Variants in SZT2 observed in about 807,000 individuals in gnomAD.
SZT2 encodes SZT2 subunit of KICSTOR complex.
A neutral mutation model predicts 404.2 loss-of-function variants in SZT2; 216 were observed. The ratio of observed to expected loss-of-function variants is 0.53; its 90% CI spans 0.48 to 0.60. SZT2 has a LOEUF of 0.60. Ranked by LOEUF, SZT2 falls within the 20% of genes least tolerant of loss-of-function variation. SZT2 has a pLI of 0.00. For synonymous variants in SZT2, 1,693 were observed against 1,749.9 expected, an observed-to-expected ratio of 0.97 and a Z score of 0.81; for missense variants, 3,857 against 4,459.2, an observed-to-expected ratio of 0.86 and a Z score of 3.85.
intron 24 of SZT2, 33 bp from the exon 25 acceptor site, chr1:43,427,248 A>G (rs1245515361): frequency 1.9e-6 from 3 of 1,604,540 alleles, no homozygotes; most frequent in South Asian, 1.1e-5. Context: ...CTGGCCCACC[A>G]GGCAGCTCTG....
rs1229196923 is a variant in SZT2 at position 43,426,207 on chromosome 1, G to A, written c.3043+56G>A. The A allele has an allele frequency of 1.9e-6, 3 of 1,580,234 alleles. No individual in the cohort carries two copies. Among genetic ancestry groups the A allele is most frequent in the Non-Finnish European group, 2.6e-6 (3 of 1,157,388 alleles). On this transcript the variant is annotated intron_variant, in intron 21 of 71. Transcript: ENST00000634258. The surrounding 1 kb of genome is among the most constrained non-coding windows in gnomAD (Gnocchi z 4.9). Reference sequence around the variant, plus strand: ...ACCTAAAGGGCCAGCAAGCCTGGAAGTATTAGAAAATAACAAACAGATGGG... The same window carrying A: ...ACCTAAAGGGCCAGCAAGCCTGGAAATATTAGAAAATAACAAACAGATGGG...
chr1:43,391,269 A>G (rs1648279582), intron 1 of SZT2, among the ~76,000 whole-genome samples: 1 of 152,198 alleles, frequency 6.6e-6, no homozygotes. Flanking sequence ...AGCTGAGATC[A>G]TGCCATTGCA....
At chr1:43,415,023 G>A (rs759176600) in intron 4 of SZT2, 59 bp from the exon 5 acceptor site, 9 of 1,568,424 alleles carry the variant, frequency 5.7e-6, no homozygotes, top group Non-Finnish European at 7.8e-6. Context: ...CAGAGCAGAA[G>A]TGTAGTGGTC....
At chr1:43,438,447 G>A (rs1425899989) in intron 46 of SZT2, among the ~76,000 whole-genome samples, 1 of 152,172 alleles carries the variant, frequency 6.6e-6, no homozygotes, top group Non-Finnish European at 1.5e-5. Flanking sequence ...AAACCTATGA[G>A]GGCGATGCTA....
At chr1:43,400,641 G>A (rs1649567537) in intron 1 of SZT2, among the ~76,000 whole-genome samples, 1 of 152,204 alleles carries the variant, frequency 6.6e-6, no homozygotes, top group South Asian at 2.1e-4. Context: ...GAAGGCCAAG[G>A]CGGGTGAATC....
chr1:43,450,650 A>T lies in SZT2; in HGVS notation c.*170A>T, dbSNP rs893038921. 1.9e-6 allele frequency: 2 copies of T among 1,048,852 alleles called. No homozygotes were observed. The highest frequency in any genetic ancestry group is 2.7e-6 in the Non-Finnish European group (2 of 727,540). The allele number at this position is 1,048,852 out of a possible 1,614,324, so 65.0% of individuals were successfully genotyped here. A position where few individuals can be genotyped will look rare whatever the true frequency, so the allele number is the denominator to read the frequency against. On this transcript the variant is annotated 3_prime_UTR_variant, in exon 72 of 72. Coordinates refer to ENST00000634258, the MANE Select transcript of SZT2 (RefSeq NM_001365999.1). This position sits in a 1 kb window ranked among gnomAD's most constrained non-coding sequence, Gnocchi z 4.3. ...TGAGGGTCTGCTGCCCCAGCCTGGC[A>T]GCAGGAACCGCCCTCCCCAAACACC... is the stretch of plus-strand genomic sequence containing the variant.
intron 1 of SZT2, among the ~76,000 whole-genome samples, chr1:43,397,821 G>T (rs1036441000): frequency 6.6e-6 from 1 of 152,094 alleles, no homozygotes; most frequent in African/African-American, 2.4e-5. Context: ...GAGCCACTAC[G>T]CCCGGCCCCT....
At chr1:43,405,680 C>T (rs960026588) in intron 4 of SZT2, 11 of 152,226 alleles carry the variant, frequency 7.2e-5, no homozygotes, top group African/African-American at 2.7e-4. Context: ...GGATTGCCAG[C>T]CCTCTGCCCT....
chr1:43,417,581 T>G, intron 7 of SZT2, among the ~76,000 whole-genome samples: 1 of 152,216 alleles, frequency 6.6e-6, no homozygotes, highest in Middle Eastern at 3.2e-3. Flanking sequence ...TGTGTGACAT[T>G]GGGCACATCA....
intron 30 of SZT2, 21 bp downstream of exon 30, chr1:43,430,124 C>A (rs757831067): frequency 2.5e-6 from 4 of 1,613,544 alleles, no homozygotes; most frequent in Admixed American, 1.7e-5. Flanking sequence ...CTCTTCCTTA[C>A]CTCTCTCGTG....
intron 28 of SZT2, 90 bp from the exon 29 acceptor site, chr1:43,429,613 G>T: frequency 6.5e-7 from 1 of 1,538,966 alleles, no homozygotes; most frequent in Non-Finnish European, 8.9e-7. Flanking sequence ...TGGACAAAAA[G>T]GCTTCCTGTG....
Position 43,428,485 on chromosome 1 carries a change from A to G in SZT2, c.4165A>G (p.Ser1389Gly). Residue 1389 changes from serine to glycine, a missense_variant and splice_region_variant, in exon 28 of 72, where the codon AGC becomes GGC. By Grantham distance (56) the Ser-to-Gly change is moderately conservative. This residue lies in a region of SZT2 where 1,725 missense variants were observed against 1,881.0 expected (regional missense o/e 0.92). Coordinates refer to ENST00000634258, the MANE Select transcript of SZT2 (RefSeq NM_001365999.1). ...RERAILASES[S>G]IETEDLSEPE... ...ACGAGCTATCCTAGCTTCTGAATCC[A>G]GGTTAGGATTATACTTGAATGATGG... The G allele has an allele frequency of 8.7e-6, 14 of 1,613,282 alleles. No individual in the cohort carries two copies. The highest frequency in any genetic ancestry group is 9.3e-6 in the Non-Finnish European group (11 of 1,179,972).
In SZT2 at chr1:43,447,580, C is replaced by T. The variant is rs1570739524; in HGVS notation, c.9322C>T (p.His3108Tyr). Residue 3108 changes from histidine (H) to tyrosine (Y), a missense_variant, in exon 67 of 72, where the codon CAC becomes TAC. Transcript: ENST00000634258. ...GCTCCCCACACCACTCATTGCTGCC[C>T]ACCAGCTATACAACTACGTGGCTGA... ...LELPTPLIAA[H>Y]QLYNYVADHA... 6.2e-7 allele frequency: 1 copy of T among 1,614,180 alleles called. No individual in the cohort carries two copies. Among genetic ancestry groups the T allele is most frequent in the Non-Finnish European group, 8.5e-7 (1 of 1,180,034 alleles).
chr1:43,437,339 G>T lies in SZT2; in HGVS notation c.6187+16G>T. On this transcript the variant is annotated intron_variant, in intron 43 of 71. Transcript: ENST00000634258. The surrounding 1 kb of genome is among the most constrained non-coding windows in gnomAD (Gnocchi z 5.3). The stretch of plus-strand genomic sequence containing the variant: ...GTCTCTCGGGGTATGTGATTGGCAT[G>T]AGAGGGCAGGTGAGCATTGGAAGGA... 6.2e-7 allele frequency: 1 copy of T among 1,614,196 alleles called. No homozygotes were observed. Among genetic ancestry groups the T allele is most frequent in the Non-Finnish European group, 8.5e-7 (1 of 1,180,030 alleles).
At position 43,437,983 on chromosome 1, in the gene SZT2, A is replaced by G. The variant is rs1354364598; in HGVS notation, c.6508+81A>G. ...GGACTTCTCTTAGAACCTTGCAAGCATTACACTAGAAGTTATGTAACAGTC... is the reference window on the plus strand; with the variant it reads ...GGACTTCTCTTAGAACCTTGCAAGCGTTACACTAGAAGTTATGTAACAGTC... On this transcript the variant is annotated intron_variant, in intron 46 of 71. Coordinates refer to ENST00000634258, the MANE Select transcript of SZT2 (RefSeq NM_001365999.1). The surrounding 1 kb of genome is among the most constrained non-coding windows in gnomAD (Gnocchi z 5.3). 1.2e-5 allele frequency: 16 copies of G among 1,379,892 alleles called. No homozygotes were observed. Among genetic ancestry groups the G allele is most frequent in the Non-Finnish European group, 1.4e-5 (14 of 974,026 alleles). The allele number at this position is 1,379,892 out of a possible 1,614,324, so 85.5% of individuals were successfully genotyped here. A position where few individuals can be genotyped will look rare whatever the true frequency, so the allele number is the denominator to read the frequency against.
intron 1 of SZT2, among the ~76,000 whole-genome samples, chr1:43,402,467 T>C (rs1649793802): frequency 6.6e-6 from 1 of 152,208 alleles, no homozygotes; most frequent in African/African-American, 2.4e-5. Context: ...CAAGTTTCTT[T>C]CTGTCCAAGT....
In SZT2 at chr1:43,435,212, C is replaced by T; in HGVS notation, c.5917C>T (p.Gln1973Ter). 1 of 1,614,200 alleles carries T rather than the reference C, an allele frequency of 6.2e-7. No individual in the cohort carries two copies. The highest frequency in any genetic ancestry group is 8.5e-7 in the Non-Finnish European group (1 of 1,180,026). The change falls in exon 42 of 72, where the codon CAA (glutamine) becomes TAA (stop). Residue 1973 changes from glutamine (Q) to a stop codon, truncating the protein, a stop_gained. Coordinates refer to ENST00000634258, the MANE Select transcript of SZT2 (RefSeq NM_001365999.1). LOFTEE classifies it high-confidence loss of function. ...CREVNQRLLLQDLHDSHVCNS... is the reference protein window; with the variant it reads ...CREVNQRLLL The stretch of plus-strand genomic sequence containing the variant: ...CTCCTTCTCCCAGCGACTGCTTCTT[C>T]AAGACCTTCATGACAGCCACGTGTG...
rs1654740795 is a variant in SZT2 at position 43,438,812 on chromosome 1, G to A, written c.6622G>A (p.Val2208Met). 6.2e-7 allele frequency: 1 copy of A among 1,613,288 alleles called. No individual in the cohort carries two copies. Among genetic ancestry groups the A allele is most frequent in the Non-Finnish European group, 8.5e-7 (1 of 1,179,430 alleles). The stretch of plus-strand genomic sequence containing the variant: ...GAACTGCAAGCTGACACCAGCTGAT[G>A]TGGAGGTCAGCTCCCCTCTAGGCAC... ...VRNCKLTPAD[V>M]EFIQPPGSLP... Residue 2208 changes from valine (V) to methionine (M), a missense_variant, in exon 47 of 72, where the codon GTG (valine) becomes ATG (methionine). Transcript: ENST00000634258.
At chr1:43,438,631 T>C (rs1654719339) in intron 46 of SZT2, 68 bp from the exon 47 acceptor site, 2 of 1,457,216 alleles carry the variant, frequency 1.4e-6, no homozygotes, top group African/African-American at 1.4e-5. Flanking sequence ...TTTGGCATGA[T>C]AGGGCTGCTA....
Sources: gnomAD v4.1 joint callset for allele counts (sites outside exome capture counted in the v4.1 genomes callset) on GRCh38, gnomAD v4.1.1 for gene constraint, gnomAD v4.1.1 regional missense constraint, Gnocchi (gnomAD v3.1) non-coding constraint, MANE v1.5 for transcripts, NCBI Gene and HGNC (gene_info 2026-07-23, HGNC 2026-07-21) for gene names.